Variants in SCN9A observed in about 807,000 individuals in gnomAD.
The protein encoded by SCN9A is sodium voltage-gated channel alpha subunit 9.
SCN9A carries 131 observed loss-of-function variants against 187.0 expected under a neutral mutation model. That is an observed-to-expected ratio of 0.70 (90% CI 0.61 to 0.81). The LOEUF (loss-of-function observed/expected upper bound fraction) is 0.81, where lower values mean the gene tolerates loss of function less well. Among genes scored for constraint, SCN9A ranks in the 30% least tolerant of loss-of-function variants. The pLI is 0.00. For missense variants in SCN9A, 2,252 were observed against 2,396.6 expected, an observed-to-expected ratio of 0.94 and a Z score of 1.26; for synonymous variants, 809 against 808.6, an observed-to-expected ratio of 1.00 and a Z score of -0.01.
chr2:166,284,518 G>T lies in SCN9A; in HGVS notation c.1909C>A (p.Leu637Ile). 7 of 1,614,096 alleles carry T rather than the reference G, an allele frequency of 4.3e-6. No individual in the cohort carries two copies. The highest frequency in any genetic ancestry group is 5.1e-6 in the Non-Finnish European group (6 of 1,179,998). Residue 637 changes from leucine (L) to isoleucine (I), a missense_variant, in exon 12 of 27, where the codon CTC becomes ATC. Physicochemically the swap from Leu to Ile is conservative, Grantham distance 5. Coordinates refer to ENST00000642356, the MANE Select transcript of SCN9A (RefSeq NM_001365536.1). ...AGAAGCTGTCCATTGGGGAGCATGAGGGCTGAGCGTCCATCAACCAGGGAG... is the reference window on the plus strand; with the variant it reads ...AGAAGCTGTCCATTGGGGAGCATGATGGCTGAGCGTCCATCAACCAGGGAG... ...VVSLVDGRSA[L>I]MLPNGQLLPE...
At chr2:166,204,978 G>T (rs866980195) in intron 24 of SCN9A, 1 of 152,126 alleles carries the variant, frequency 6.6e-6, no homozygotes, top group African/African-American at 2.4e-5. Flanking sequence ...TCTTCAAGGA[G>T]AACTACAAAC....
At position 166,204,827 on chromosome 2, in the gene SCN9A, A is replaced by C. The variant is rs994701121; in HGVS notation, c.4399-363T>G. 10 of 154,226 alleles carry C rather than the reference A, an allele frequency of 6.5e-5. No homozygotes were observed. The South Asian group carries it at 8.2e-4, about 13-fold the overall frequency. The allele number at this position is 154,226 out of a possible 1,614,324, so 9.6% of individuals were successfully genotyped here. On this transcript the variant is annotated intron_variant, in intron 24 of 26. Coordinates refer to ENST00000642356, the MANE Select transcript of SCN9A (RefSeq NM_001365536.1). Reference sequence around the variant, plus strand: ...AAATTTGTAAGAATTAAAAGTAATGAATATCTTCTTTGATGATTTGGCAAA... The same window carrying C: ...AAATTTGTAAGAATTAAAAGTAATGCATATCTTCTTTGATGATTTGGCAAA...
rs1352970412 is a variant in SCN9A, at chr2:166,227,639, A to C, written c.4260+31T>G. 3 of 1,269,408 alleles carry C rather than the reference A, an allele frequency of 2.4e-6. No individual in the cohort carries two copies. In the Admixed American group the frequency reaches 5.9e-5, roughly 25 times the overall value. 78.6% of individuals were successfully genotyped at this position (1,269,408 alleles called of 1,614,324 possible). A position where few individuals can be genotyped will look rare whatever the true frequency, so the allele number is the denominator to read the frequency against. On this transcript the variant is annotated intron_variant, in intron 23 of 26. Transcript: ENST00000642356. ...AATAAACTAAGAAGCTTTTAAAAAT[A>C]AAGTTTAGTGCTAAGATAATCAATA...
intron 1 of SCN9A, among the ~76,000 whole-genome samples, chr2:166,369,128 G>A (rs1032050381): frequency 1.3e-5 from 2 of 151,752 alleles, no homozygotes; most frequent in South Asian, 2.1e-4. Context: ...AAATTACGAT[G>A]TATATACATA....
intron 19 of SCN9A, among the ~76,000 whole-genome samples, chr2:166,240,573 C>T (rs1695521930): frequency 6.6e-6 from 1 of 152,152 alleles, no homozygotes; most frequent in Non-Finnish European, 1.5e-5. Flanking sequence ...TGTGAGTCAG[C>T]ATGGGATAAA....
chr2:166,311,720 C>G lies in SCN9A; in HGVS notation c.37G>C (p.Val13Leu), dbSNP rs779738791. ...MLPPPGPQSF[V>L]HFTKQSLALI... The stretch of plus-strand genomic sequence containing the variant: ...GCAAGAGACTGTTTTGTGAAATGGA[C>G]AAAGCTCTGAGGTCCTGGGGGAGGC... Residue 13 changes from valine to leucine, a missense_variant, in exon 2 of 27, where the codon GTC becomes CTC. By Grantham distance (32) the Val-to-Leu change is conservative (BLOSUM62 1). Around this residue, in one of 7 missense-constraint regions of SCN9A, gnomAD observed 1,013 missense variants for 997.4 expected, o/e 1.02. Coordinates refer to ENST00000642356, the MANE Select transcript of SCN9A (RefSeq NM_001365536.1). The G allele has an allele frequency of 6.8e-6, 11 of 1,610,704 alleles. No individual in the cohort carries two copies. The South Asian group carries it at 1.2e-4, about 18-fold the overall frequency.
intron 24 of SCN9A, among the ~76,000 whole-genome samples, chr2:166,210,109 A>T (rs1642277553): frequency 6.6e-6 from 1 of 152,184 alleles, no homozygotes; most frequent in South Asian, 2.1e-4. Context: ...CATATACACC[A>T]TGGAATACTA....
At chr2:166,358,110 C>T (rs1400849395) in intron 1 of SCN9A, among the ~76,000 whole-genome samples, 5 of 151,100 alleles carry the variant, frequency 3.3e-5, no homozygotes, top group Middle Eastern at 3.4e-3. Flanking sequence ...TCTCTCATTG[C>T]CCAGGCTGGA....
rs146108919 is a variant in SCN9A at position 166,227,961 on chromosome 2, G to T, written c.4207-238C>A. 5.7e-3 allele frequency among the ~76,000 whole-genome samples: 870 copies of T among 152,046 alleles called. 5 individuals carry two copies. Among genetic ancestry groups the T allele is most frequent in the African/African-American group, 0.02 (844 of 41,462 alleles). On this transcript the variant is annotated intron_variant, in intron 22 of 26. Coordinates refer to ENST00000642356, the MANE Select transcript of SCN9A (RefSeq NM_001365536.1). ...ATTGTTACAGTTGCCTGTGAATTTC[G>T]CACATAACCTTTTATTTTTTAAAGG...
intron 20 of SCN9A, among the ~76,000 whole-genome samples, chr2:166,235,779 A>G (rs926458877): frequency 1.3e-5 from 2 of 152,074 alleles, no homozygotes; most frequent in Non-Finnish European, 2.9e-5. Context: ...GCTTTGCATT[A>G]TATTTGTTCG....
Position 166,277,228 on chromosome 2 carries a change from C to G in SCN9A, c.2629G>C (p.Val877Leu). ...ATGCCGACCACAGCAAAAATGAAGACGATGATGGCCAACACTAAGGTGAGG... is the reference window on the plus strand; with the variant it reads ...ATGCCGACCACAGCAAAAATGAAGAGGATGATGGCCAACACTAAGGTGAGG... ...GNLTLVLAII[V>L]FIFAVVGMQL... is the part of the protein sequence containing the mutation. The change falls in exon 16 of 27, where the codon GTC (valine) becomes CTC (leucine). Residue 877 changes from valine (V) to leucine (L), a missense_variant. Transcript: ENST00000642356. The G allele has an allele frequency of 1.9e-6, 3 of 1,614,024 alleles. No individual in the cohort carries two copies. Among genetic ancestry groups the G allele is most frequent in the Non-Finnish European group, 2.5e-6 (3 of 1,179,972 alleles).
intron 24 of SCN9A, among the ~76,000 whole-genome samples, chr2:166,207,587 C>T (rs1558948460): frequency 6.6e-6 from 1 of 151,984 alleles, no homozygotes; most frequent in Non-Finnish European, 1.5e-5. Flanking sequence ...ATTACAGGTG[C>T]ATGCCACCAC....
intron 1 of SCN9A, among the ~76,000 whole-genome samples, chr2:166,361,482 A>G (rs1276699323): frequency 1.3e-5 from 2 of 152,114 alleles, no homozygotes; most frequent in Non-Finnish European, 2.9e-5. Context: ...GCCAATACAA[A>G]GTTCATTAGT....
chr2:166,264,375 C>G (rs1696643725), intron 17 of SCN9A, among the ~76,000 whole-genome samples: 1 of 151,928 alleles, frequency 6.6e-6, no homozygotes, highest in South Asian at 2.1e-4. Flanking sequence ...GAAGAGCCAT[C>G]AGTTCAGTGC....
At position 166,284,553 on chromosome 2, in the gene SCN9A, T is replaced by A. The variant is rs754193413; in HGVS notation, c.1874A>T (p.Asn625Ile). ...NGKMHSAVDC[N>I]GVVSLVDGRS... ...TCCATCAACCAGGGAGACCACACCG[T>A]TGCAGTCCACAGCACTGTGCATTTT... is the stretch of plus-strand genomic sequence containing the variant. Residue 625 changes from asparagine to isoleucine, a missense_variant, in exon 12 of 27, where the codon AAC (asparagine) becomes ATC (isoleucine). Asn to Ile is a moderately radical substitution (Grantham distance 149, BLOSUM62 -3). Transcript: ENST00000642356. 6.2e-7 allele frequency: 1 copy of A among 1,614,176 alleles called. No homozygotes were observed. The highest frequency in any genetic ancestry group is 1.7e-5 in the Admixed American group (1 of 60,028).
At chr2:166,325,026 T>C (rs1369804178) in intron 1 of SCN9A, among the ~76,000 whole-genome samples, 1 of 152,126 alleles carries the variant, frequency 6.6e-6, no homozygotes, top group Non-Finnish European at 1.5e-5. Flanking sequence ...CATACTAATA[T>C]AAACTGTTAA....
At chr2:166,365,603 C>G (rs904950369) in intron 1 of SCN9A, among the ~76,000 whole-genome samples, 3 of 152,212 alleles carry the variant, frequency 2.0e-5, no homozygotes, top group African/African-American at 7.2e-5. Flanking sequence ...TTAAATACAT[C>G]AAATATGCCT....
At chr2:166,356,130 T>C (rs904295344) in intron 1 of SCN9A, among the ~76,000 whole-genome samples, 4 of 152,130 alleles carry the variant, frequency 2.6e-5, no homozygotes, top group Admixed American at 6.6e-5. Flanking sequence ...AGGCTGCTTC[T>C]TTACCTCAAA....
intron 20 of SCN9A, among the ~76,000 whole-genome samples, chr2:166,236,577 T>C (rs1260270914): frequency 1.3e-5 from 2 of 152,020 alleles, no homozygotes; most frequent in East Asian, 3.9e-4. Context: ...CCTGCCACCA[T>C]GTCTGGCTAA....
Sources: allele counts gnomAD v4.1 joint callset (sites outside exome capture counted in the v4.1 genomes callset), GRCh38; gene constraint gnomAD v4.1.1; regional missense constraint gnomAD v4.1.1; transcripts MANE v1.5; gene names NCBI Gene and HGNC (gene_info 2026-07-23, HGNC 2026-07-21).